KLHDC1: variants seen among roughly 807,000 people sequenced by gnomAD.
KLHDC1 encodes the protein kelch domain-containing protein 1.
A neutral mutation model predicts 68.3 loss-of-function variants in KLHDC1; 53 were observed. The ratio of observed to expected loss-of-function variants is 0.78; its 90% CI spans 0.62 to 0.98. The LOEUF (loss-of-function observed/expected upper bound fraction) is 0.98, where lower values mean the gene tolerates loss of function less well. KLHDC1 is among the 50% of genes least tolerant of loss of function. KLHDC1 has a pLI of 0.00. For missense variants in KLHDC1, 470 were observed against 492.3 expected (o/e 0.95, Z 0.43); for synonymous variants, 148 against 159.0 (o/e 0.93, Z 0.52).
At chr14:49,720,595 G>A (rs1471649833) in intron 4 of KLHDC1, among the ~76,000 whole-genome samples, 1 of 151,752 alleles carries the variant, frequency 6.6e-6, no homozygotes, top group Non-Finnish European at 1.5e-5. Flanking sequence ...GAGCTTCTTG[G>A]GTTTGTAGGT....
chr14:49,729,093 C>T (rs1362038129), intron 7 of KLHDC1, 84 bp downstream of exon 7: 10 of 913,518 alleles, frequency 1.1e-5, no homozygotes, highest in Non-Finnish European at 1.6e-5. Flanking sequence ...AATAATTGAA[C>T]ATTCATGTAA....
chr14:49,729,040 A>G, intron 7 of KLHDC1, 31 bp downstream of exon 7: 1 of 1,379,132 alleles, frequency 7.3e-7, no homozygotes, highest in Non-Finnish European at 1.0e-6. Flanking sequence ...TGGTATTTTT[A>G]TGTGCAATGC....
intron 4 of KLHDC1, among the ~76,000 whole-genome samples, chr14:49,714,651 T>C (rs1231335633): frequency 8.6e-5 from 13 of 151,666 alleles, no homozygotes. Flanking sequence ...GGTGGCATGC[T>C]ATGCACCTGT....
At position 49,695,581 on chromosome 14, in the gene KLHDC1, A is replaced by G. The variant is rs117377607; in HGVS notation, c.96+2291A>G. Among the ~76,000 whole-genome samples the G allele has an allele frequency of 6.7e-4, 101 of 151,542 alleles. 1 individual carries two copies. In the East Asian group the frequency reaches 0.02, roughly 29 times the overall value. ...AGAGCACAGGCAGTGTAGATTTAGC[A>G]TAATTCTTAAGGGCCCTAGGATTTT... On this transcript the variant is annotated intron_variant, in intron 1 of 12. Coordinates refer to ENST00000359332, the MANE Select transcript of KLHDC1 (RefSeq NM_172193.3).
chr14:49,732,619 ATT>A, intron 8 of KLHDC1, 83 bp from the exon 9 acceptor site: 1 of 417,990 alleles, frequency 2.4e-6, no homozygotes. Flanking sequence ...GTGAGGGCAG[ATT>A]TTTTTTTTAA....
chr14:49,709,648 A>G (rs1888146991), intron 2 of KLHDC1, 61 bp from the exon 3 acceptor site: 2 of 880,998 alleles, frequency 2.3e-6, no homozygotes, highest in Admixed American at 2.5e-5. Context: ...CATGGAGTTT[A>G]AAGAGAATTT....
chr14:49,732,672 G>A (rs372926465), intron 8 of KLHDC1, 32 bp from the exon 9 acceptor site: 3 of 1,089,750 alleles, frequency 2.8e-6, no homozygotes, highest in Non-Finnish European at 4.2e-6. Flanking sequence ...GATTAATATA[G>A]TACCTAGACT....
chr14:49,740,685 A>G (rs1456692091), intron 11 of KLHDC1, among the ~76,000 whole-genome samples: 1 of 152,218 alleles, frequency 6.6e-6, no homozygotes, highest in Non-Finnish European at 1.5e-5. Context: ...TTGGATTTAC[A>G]AATCAAAATA....
At position 49,696,910 on chromosome 14, in the gene KLHDC1, A is replaced by C. The variant is rs573442138; in HGVS notation, c.96+3620A>C. ...TCCTTCACTTGAACACTTAGAGTCC[A>C]TTGTAGGGTTACTAACTGGCCTACT... On this transcript the variant is annotated intron_variant, in intron 1 of 12. Coordinates refer to ENST00000359332, the MANE Select transcript of KLHDC1 (RefSeq NM_172193.3). Among the ~76,000 whole-genome samples the C allele has an allele frequency of 2.7e-5, 4 of 148,058 alleles. No individual in the cohort carries two copies. In the South Asian group the frequency reaches 8.5e-4, roughly 31 times the overall value.
At position 49,732,827 on chromosome 14, in the gene KLHDC1, T is replaced by G. The variant is rs181334014; in HGVS notation, c.823+11T>G. 1.4e-5 allele frequency: 17 copies of G among 1,234,244 alleles called. No homozygotes were observed. The highest frequency in any genetic ancestry group is 1.9e-5 in the Non-Finnish European group (16 of 838,342). 76.5% of individuals were successfully genotyped at this position (1,234,244 alleles called of 1,614,324 possible). A position where few individuals can be genotyped will look rare whatever the true frequency, so the allele number is the denominator to read the frequency against. ...ATAATATCCCATTAAGTAAGTTGATTAAGGTTTAGCCTATAATTATTATCT... is the reference window on the plus strand; with the variant it reads ...ATAATATCCCATTAAGTAAGTTGATGAAGGTTTAGCCTATAATTATTATCT... On this transcript the variant is annotated intron_variant, in intron 9 of 12. Transcript: ENST00000359332.
intron 9 of KLHDC1, 60 bp from the exon 10 acceptor site, chr14:49,734,529 A>G (rs916186130): frequency 1.6e-5 from 15 of 941,520 alleles, no homozygotes; most frequent in South Asian, 5.3e-5. Flanking sequence ...AATTGGGGGG[A>G]AAATTAAAAT....
chr14:49,713,010 C>T (rs980722150), intron 4 of KLHDC1, among the ~76,000 whole-genome samples: 6 of 142,150 alleles, frequency 4.2e-5, no homozygotes, highest in Admixed American at 7.2e-5. Flanking sequence ...AATGCAGTGG[C>T]GCGATCTCAG....
chr14:49,747,123 T>C (rs964287437), intron 12 of KLHDC1, among the ~76,000 whole-genome samples: 2 of 152,104 alleles, frequency 1.3e-5, no homozygotes, highest in Non-Finnish European at 2.9e-5. Flanking sequence ...ATTTTTTGTA[T>C]TTTTAGTAGA....
At chr14:49,744,034 A>T (rs1889132331) in intron 12 of KLHDC1, among the ~76,000 whole-genome samples, 1 of 152,006 alleles carries the variant, frequency 6.6e-6, no homozygotes, top group African/African-American at 2.4e-5. Context: ...CCTGTAATTG[A>T]GTGCTCTGAG....
In KLHDC1 at chr14:49,751,622, G is replaced by A. The variant is rs1467241719; in HGVS notation, c.1071G>A (p.Met357Ile). The A allele has an allele frequency of 3.2e-6, 5 of 1,584,560 alleles. No individual in the cohort carries two copies. Among genetic ancestry groups the A allele is most frequent in the Admixed American group, 1.8e-5 (1 of 56,580 alleles). The change falls in exon 13 of 13, where the codon ATG becomes ATA. Residue 357 changes from methionine (M) to isoleucine (I), a missense_variant. Coordinates refer to ENST00000359332, the MANE Select transcript of KLHDC1 (RefSeq NM_172193.3). ...ACTGCATTGGTAAAAATTCTATCAT[G>A]TTAGAAAGTCAGATATCTTTATTAC... ...CLDCIGKNSI[M>I]LESQISLLPP... is the part of the protein sequence containing the mutation.
intron 12 of KLHDC1, among the ~76,000 whole-genome samples, chr14:49,749,113 A>G (rs1176384205): frequency 2.6e-5 from 4 of 152,048 alleles, no homozygotes; most frequent in African/African-American, 9.7e-5. Flanking sequence ...GAGATTTTAT[A>G]TATAAATCAT....
chr14:49,730,408 G>A (rs1479839730), intron 8 of KLHDC1, among the ~76,000 whole-genome samples: 2 of 151,896 alleles, frequency 1.3e-5, no homozygotes, highest in Non-Finnish European at 2.9e-5. Context: ...TTTTAGTAGA[G>A]ACGAGATTTC....
At chr14:49,698,400 C>A (rs1887803327) in intron 1 of KLHDC1, among the ~76,000 whole-genome samples, 1 of 151,526 alleles carries the variant, frequency 6.6e-6, no homozygotes, top group Non-Finnish European at 1.5e-5. Context: ...GGCGGGGTTT[C>A]ACCATGTTGG....
chr14:49,726,540 T>C (rs562021406), intron 6 of KLHDC1, among the ~76,000 whole-genome samples: 1 of 152,364 alleles, frequency 6.6e-6, no homozygotes, highest in East Asian at 1.9e-4. Flanking sequence ...AAAGGTCTAT[T>C]TTTAAAAATC....
Sources: gnomAD v4.1 joint callset for allele counts (sites outside exome capture counted in the v4.1 genomes callset) on GRCh38, gnomAD v4.1.1 for gene constraint, MANE v1.5 for transcripts, NCBI Gene and HGNC (gene_info 2026-07-23, HGNC 2026-07-21) for gene names.